Variants in DLGAP1 observed in about 807,000 individuals in gnomAD.
DLGAP1 encodes the protein DLG associated protein 1, also known as disks large-associated protein 1.
A neutral mutation model predicts 90.8 loss-of-function variants in DLGAP1; 11 were observed. That is an observed-to-expected ratio of 0.12 (90% CI 0.08 to 0.20). The LOEUF (loss-of-function observed/expected upper bound fraction) is 0.20, where lower values mean the gene tolerates loss of function less well. Ranked by LOEUF, DLGAP1 falls within the 10% of genes least tolerant of loss-of-function variation. The pLI, the probability that DLGAP1 is intolerant of heterozygous loss-of-function variation, is 1.00. For synonymous variants in DLGAP1, 558 were observed against 540.7 expected (o/e 1.03, Z -0.44); for missense variants, 1,050 against 1,333.8 (o/e 0.79, Z 3.31).
intron 2 of DLGAP1, among the ~76,000 whole-genome samples, chr18:4,120,844 T>C (rs2076142746): frequency 6.6e-6 from 1 of 151,854 alleles, no homozygotes; most frequent in Non-Finnish European, 1.5e-5. Context: ...TCACCAAATA[T>C]TTACCGAATG....
At chr18:4,394,656 A>G (rs1017152021) in intron 1 of DLGAP1, among the ~76,000 whole-genome samples, 11 of 152,218 alleles carry the variant, frequency 7.2e-5, no homozygotes, top group Middle Eastern at 3.2e-3. Context: ...TTGTTAAAAT[A>G]TATCTTCTTT....
chr18:4,335,078 G>A (rs1422345987), intron 1 of DLGAP1, among the ~76,000 whole-genome samples: 1 of 151,784 alleles, frequency 6.6e-6, no homozygotes, highest in Admixed American at 6.6e-5. Context: ...AAGAATTATA[G>A]GCCAAATGGC....
At chr18:3,916,093 T>A (rs2072137390) in intron 3 of DLGAP1, among the ~76,000 whole-genome samples, 1 of 152,160 alleles carries the variant, frequency 6.6e-6, no homozygotes, top group Non-Finnish European at 1.5e-5. Flanking sequence ...CCATAAGGCT[T>A]CCCTCTCAAC....
At chr18:3,621,561 G>T (rs886351791) in intron 7 of DLGAP1, among the ~76,000 whole-genome samples, 1 of 152,306 alleles carries the variant, frequency 6.6e-6, no homozygotes, top group Middle Eastern at 3.4e-3. Context: ...TGTTCAAACC[G>T]TGTTCAAATA....
Position 4,181,655 on chromosome 18 carries a change from T to C in DLGAP1, c.-266-30368A>G, listed in dbSNP as rs147494948. On this transcript the variant is annotated intron_variant, in intron 1 of 12. Coordinates refer to ENST00000315677, the MANE Select transcript of DLGAP1 (RefSeq NM_004746.4). ...TATCTGGACGACAATCAACCTTTAA[T>C]TTCTTTCCTTTATTGTTCCTTTAAG... 6.5e-4 allele frequency among the ~76,000 whole-genome samples: 99 copies of C among 152,288 alleles called. 1 individual carries two copies. Among genetic ancestry groups the C allele is most frequent in the South Asian group, 1.7e-3 (8 of 4,830 alleles).
chr18:3,748,293 C>T (rs1329565578), intron 5 of DLGAP1, among the ~76,000 whole-genome samples: 7 of 152,234 alleles, frequency 4.6e-5, no homozygotes, highest in Non-Finnish European at 1.5e-5. Flanking sequence ...ATCCGGAAGG[C>T]TGCCATTGCG....
At position 4,218,742 on chromosome 18, in the gene DLGAP1, A is replaced by G. The variant is rs150839920; in HGVS notation, c.-266-67455T>C. On this transcript the variant is annotated intron_variant, in intron 1 of 12. Transcript: ENST00000315677. ...TGTCTTTCTGTGTCTGGCTTATTTC[A>G]CTTAGCATAATATCCTCCAGGTTAA... Among the ~76,000 whole-genome samples the G allele has an allele frequency of 8.8e-4, 134 of 151,700 alleles. 1 individual carries two copies. The highest frequency in any genetic ancestry group is 3.1e-3 in the African/African-American group (127 of 41,362).
At chr18:3,918,513 G>A (rs28663479) in intron 3 of DLGAP1, among the ~76,000 whole-genome samples, 19,036 of 152,048 alleles carry the variant, frequency 0.13, 2,276 homozygotes, top group African/African-American at 0.32. Flanking sequence ...GACATCAAAG[G>A]GGGAAAAAAA....
Position 3,653,304 on chromosome 18 carries a change from C to T in DLGAP1, c.1592-71056G>A, listed in dbSNP as rs1353870880. ...TGTTTCTCTCTGACCCCAATTTTCT[C>T]GGAGTTTGGGATTATCAATCTAAAA... On this transcript the variant is annotated intron_variant, in intron 7 of 12. Coordinates refer to ENST00000315677, the MANE Select transcript of DLGAP1 (RefSeq NM_004746.4). This position sits in a 1 kb window ranked among gnomAD's most constrained non-coding sequence, Gnocchi z 4.6. 2 of 152,114 alleles carry T rather than the reference C, an allele frequency of 1.3e-5. No homozygotes were observed. Among genetic ancestry groups the T allele is most frequent in the African/African-American group, 4.8e-5 (2 of 41,412 alleles). 9.4% of individuals were successfully genotyped at this position (152,114 alleles called of 1,614,324 possible).
intron 7 of DLGAP1, among the ~76,000 whole-genome samples, chr18:3,664,207 CACACACACA>C (rs1598257037): frequency 7.1e-6 from 1 of 139,964 alleles, no homozygotes; most frequent in East Asian, 2.0e-4. Flanking sequence ...CACACACACA[CACACACACA>C]CCCACACACA....
intron 1 of DLGAP1, among the ~76,000 whole-genome samples, chr18:4,159,314 C>G (rs73369049): frequency 0.024 from 3,713 of 152,248 alleles, 159 homozygotes; most frequent in African/African-American, 0.083. Context: ...CAGTGCCCTT[C>G]ATGATCTGGC....
intron 3 of DLGAP1, among the ~76,000 whole-genome samples, chr18:3,926,654 G>T (rs572552212): frequency 6.6e-6 from 1 of 151,064 alleles, no homozygotes; most frequent in Admixed American, 6.6e-5. Flanking sequence ...ATATCTATAG[G>T]TATAAATATA....
chr18:3,780,952 G>C (rs1203256579), intron 5 of DLGAP1, among the ~76,000 whole-genome samples: 3 of 152,074 alleles, frequency 2.0e-5, no homozygotes, highest in Non-Finnish European at 4.4e-5. Context: ...TAGGACTACA[G>C]ACATGCACCT....
chr18:4,258,980 C>T (rs576761418), intron 1 of DLGAP1, among the ~76,000 whole-genome samples: 1 of 152,278 alleles, frequency 6.6e-6, no homozygotes, highest in South Asian at 2.1e-4. Flanking sequence ...TACTGCCAAG[C>T]AAATTCTGCA....
intron 7 of DLGAP1, among the ~76,000 whole-genome samples, chr18:3,699,210 G>C (rs1386651708): frequency 1.3e-5 from 2 of 152,100 alleles, no homozygotes; most frequent in Non-Finnish European, 2.9e-5. Context: ...TGATCCTTTG[G>C]AGGAGAAGAG....
chr18:4,053,589 C>T (rs770471435), intron 2 of DLGAP1, among the ~76,000 whole-genome samples: 2 of 152,174 alleles, frequency 1.3e-5, no homozygotes, highest in Non-Finnish European at 2.9e-5. Flanking sequence ...ATAGCACCTC[C>T]CCCTTTGCTC....
intron 3 of DLGAP1, among the ~76,000 whole-genome samples, chr18:3,947,687 A>C (rs1026328762): frequency 6.6e-6 from 1 of 152,138 alleles, no homozygotes; most frequent in Non-Finnish European, 1.5e-5. Flanking sequence ...TTGTGAGCTC[A>C]TTTGGTCACA....
intron 10 of DLGAP1, among the ~76,000 whole-genome samples, chr18:3,514,543 T>A (rs2050720643): frequency 6.6e-6 from 1 of 152,210 alleles, no homozygotes; most frequent in South Asian, 2.1e-4. Context: ...TTCATTTTAG[T>A]CTAACTTTCT....
chr18:3,547,257 G>A (rs563407631), intron 9 of DLGAP1, among the ~76,000 whole-genome samples: 4 of 140,734 alleles, frequency 2.8e-5, no homozygotes, highest in Admixed American at 2.3e-4. Context: ...AGCCGAGATC[G>A]CGCCACTGCA....
Sources: gnomAD v4.1 joint callset for allele counts (sites outside exome capture counted in the v4.1 genomes callset) on GRCh38, gnomAD v4.1.1 for gene constraint, Gnocchi (gnomAD v3.1) non-coding constraint, MANE v1.5 for transcripts, NCBI Gene and HGNC (gene_info 2026-07-23, HGNC 2026-07-21) for gene names.